Variants in AGBL1 observed in about 807,000 individuals in gnomAD.
AGBL1 encodes the protein AGBL carboxypeptidase 1.
In AGBL1, 130 loss-of-function variants were observed where a neutral mutation model predicts 118.9. The ratio of observed to expected loss-of-function variants is 1.09; its 90% CI spans 0.95 to 1.26. The LOEUF (loss-of-function observed/expected upper bound fraction) is 1.26. AGBL1 is among the 50% of genes most tolerant of loss of function. The probability of loss-of-function intolerance (pLI) is 0.00; values close to 1 mark genes in which losing one functional copy is unlikely to be tolerated. For missense variants in AGBL1, 1,584 were observed against 1,298.1 expected, an observed-to-expected ratio of 1.22 and a Z score of -3.38; for synonymous variants, 555 against 478.9, an observed-to-expected ratio of 1.16 and a Z score of -2.08.
At chr15:86,182,134 A>G (rs2077561249) in intron 5 of AGBL1, among the ~76,000 whole-genome samples, 2 of 152,034 alleles carry the variant, frequency 1.3e-5, no homozygotes, top group Admixed American at 1.3e-4. Context: ...GGGACAAATA[A>G]TTGGTTGGAT....
chr15:86,619,963 G>A (rs898799160), intron 21 of AGBL1, among the ~76,000 whole-genome samples: 2 of 152,162 alleles, frequency 1.3e-5, no homozygotes, highest in Non-Finnish European at 2.9e-5. Context: ...GCTGCTATCA[G>A]GACCCAGTCT....
chr15:86,454,439 T>C (rs993434514), intron 18 of AGBL1, among the ~76,000 whole-genome samples: 1 of 152,134 alleles, frequency 6.6e-6, no homozygotes, highest in African/African-American at 2.4e-5. Flanking sequence ...TAAAAACATG[T>C]CCACATGATT....
chr15:87,013,528 G>C (rs2081582197), intron 24 of AGBL1, among the ~76,000 whole-genome samples: 1 of 68,404 alleles, frequency 1.5e-5, no homozygotes, highest in Non-Finnish European at 4.1e-5. Flanking sequence ...TTTTGTTTTT[G>C]AATAGTTTTT....
At position 86,230,807 on chromosome 15, in the gene AGBL1, A is replaced by C. The variant is rs116156518; in HGVS notation, c.526+5856A>C. Among the ~76,000 whole-genome samples the C allele has an allele frequency of 4.7e-3, 719 of 152,338 alleles. 9 individuals carry two copies. Among genetic ancestry groups the C allele is most frequent in the African/African-American group, 0.017 (686 of 41,572 alleles). ...AATATGTAGACATTGTGATGGTTGA[A>C]TTGAGGTAATTGACACATGCAGTTT... On this transcript the variant is annotated intron_variant, in intron 6 of 22. Coordinates refer to ENST00000614907, the MANE Select transcript of AGBL1 (RefSeq NM_001386094.1).
At chr15:86,250,573 A>AAG (rs2078798441) in intron 7 of AGBL1, among the ~76,000 whole-genome samples, 1 of 128,316 alleles carries the variant, frequency 7.8e-6, no homozygotes, top group Admixed American at 9.6e-5. Context: ...AAAAAAAAAA[A>AAG]GGTGTGCTCT....
At chr15:86,900,197 G>C (rs2080191468) in intron 22 of AGBL1, among the ~76,000 whole-genome samples, 1 of 152,090 alleles carries the variant, frequency 6.6e-6, no homozygotes. Flanking sequence ...CTGGCTTTCT[G>C]GCTCCTCAGC....
downstream of AGBL1, among the ~76,000 whole-genome samples, chr15:86,917,142 A>G (rs1183851329): frequency 6.6e-6 from 1 of 152,108 alleles, no homozygotes; most frequent in African/African-American, 2.4e-5. This position sits in a 1 kb window ranked among gnomAD's most constrained non-coding sequence, Gnocchi z 4.8. Flanking sequence ...GGGGAGTTTG[A>G]TGCCACCCTG....
At chr15:87,012,972 C>A (rs950127989) in intron 24 of AGBL1, among the ~76,000 whole-genome samples, 2 of 152,110 alleles carry the variant, frequency 1.3e-5, no homozygotes, top group African/African-American at 4.8e-5. Flanking sequence ...AAATCTTCAA[C>A]CTTGTCCTGG....
chr15:86,592,438 A>T (rs1596296538), intron 21 of AGBL1, among the ~76,000 whole-genome samples: 1 of 152,360 alleles, frequency 6.6e-6, no homozygotes, highest in East Asian at 1.9e-4. Flanking sequence ...GAGAGATCCA[A>T]GTGTGCTGTT....
intron 21 of AGBL1, among the ~76,000 whole-genome samples, chr15:86,602,350 A>G (rs914266613): frequency 6.6e-6 from 1 of 152,218 alleles, no homozygotes; most frequent in African/African-American, 2.4e-5. Flanking sequence ...TGAGAGATTA[A>G]CTACTCAATA....
intron 18 of AGBL1, among the ~76,000 whole-genome samples, chr15:86,490,213 C>G (rs1035150306): frequency 1.6e-4 from 24 of 152,034 alleles, no homozygotes; most frequent in Admixed American, 3.3e-4. Context: ...CTGAAAGTAA[C>G]ATAATTAGGT....
At chr15:86,870,646 A>G (rs573072396) in intron 22 of AGBL1, among the ~76,000 whole-genome samples, 10 of 152,256 alleles carry the variant, frequency 6.6e-5, no homozygotes, top group Admixed American at 6.5e-5. Flanking sequence ...TCAAATAGAT[A>G]TATGGAAAGC....
intron 23 of AGBL1, among the ~76,000 whole-genome samples, chr15:86,978,021 C>G (rs1408145825): frequency 6.6e-6 from 1 of 151,948 alleles, no homozygotes; most frequent in East Asian, 1.9e-4. Flanking sequence ...ATCATGTAGT[C>G]TTTTATAAAT....
chr15:86,712,517 A>C (rs1814089), intron 22 of AGBL1, among the ~76,000 whole-genome samples: 73,888 of 151,994 alleles, frequency 0.49, 19,216 homozygotes, highest in African/African-American at 0.67. Flanking sequence ...CTTGGGTAGA[A>C]ATAATGCCCA....
intron 21 of AGBL1, among the ~76,000 whole-genome samples, chr15:86,647,951 G>A (rs1384514321): frequency 6.6e-6 from 1 of 152,128 alleles, no homozygotes; most frequent in African/African-American, 2.4e-5. Flanking sequence ...CAGAGCCAGG[G>A]TAGAAGCATG....
intron 18 of AGBL1, among the ~76,000 whole-genome samples, chr15:86,462,167 T>A (rs1403514906): frequency 6.6e-6 from 1 of 152,208 alleles, no homozygotes; most frequent in Non-Finnish European, 1.5e-5. Flanking sequence ...TGAAATTCTG[T>A]CATTTCCAGA....
At chr15:86,304,666 C>A (rs751215191) in intron 17 of AGBL1, among the ~76,000 whole-genome samples, 2 of 152,172 alleles carry the variant, frequency 1.3e-5, no homozygotes, top group Non-Finnish European at 2.9e-5. Flanking sequence ...GGAAAGTTAC[C>A]TCTTACCCGG....
chr15:86,905,613 G>A (rs1201313147), intron 22 of AGBL1, among the ~76,000 whole-genome samples: 1 of 152,148 alleles, frequency 6.6e-6, no homozygotes, highest in Non-Finnish European at 1.5e-5. Context: ...ATATCCATGT[G>A]TTTTGTCATT....
rs1341433451 is a variant in AGBL1 at position 86,914,672 on chromosome 15, A to T, written c.*7378A>T. The T allele has an allele frequency of 6.6e-6, 1 of 152,214 alleles. No individual in the cohort carries two copies. Among genetic ancestry groups the T allele is most frequent in the Non-Finnish European group, 1.5e-5 (1 of 68,040 alleles). The allele number at this position is 152,214 out of a possible 1,614,324, so 9.4% of individuals were successfully genotyped here. A position where few individuals can be genotyped will look rare whatever the true frequency, so the allele number is the denominator to read the frequency against. On this transcript the variant is annotated 3_prime_UTR_variant, in exon 23 of 23. Transcript: ENST00000614907. ...TTATGCTCACTTTATAAATGAGGGC[A>T]TTAAGAATTTAAGGGCTAGCCTAAG...
Sources: gnomAD v4.1 joint callset for allele counts (sites outside exome capture counted in the v4.1 genomes callset) on GRCh38, gnomAD v4.1.1 for gene constraint, Gnocchi (gnomAD v3.1) non-coding constraint, MANE v1.5 for transcripts, NCBI Gene and HGNC (gene_info 2026-07-23, HGNC 2026-07-21) for gene names.